CNTLN: variants seen among roughly 807,000 people sequenced by gnomAD.
CNTLN encodes the protein centlein, centrosomal protein.
In CNTLN, 212 loss-of-function variants were observed where a neutral mutation model predicts 180.0. That is an observed-to-expected ratio of 1.18 (90% CI 1.05 to 1.32). The LOEUF (loss-of-function observed/expected upper bound fraction) is 1.32. Among genes scored for constraint, CNTLN ranks in the 40% most tolerant of loss-of-function variants. The pLI is 0.00. For missense variants in CNTLN, 2,095 were observed against 1,610.9 expected, an observed-to-expected ratio of 1.30 and a Z score of -5.14; for synonymous variants, 722 against 563.1, an observed-to-expected ratio of 1.28 and a Z score of -3.99.
intron 2 of CNTLN, among the ~76,000 whole-genome samples, chr9:17,211,409 G>GTC (rs1563884889): frequency 1.3e-5 from 2 of 152,014 alleles, no homozygotes; most frequent in African/African-American, 4.8e-5. Context: ...CGTTCCATTG[G>GTC]TGATATCTCT....
chr9:17,417,902 T>C (rs1247247717), intron 18 of CNTLN, among the ~76,000 whole-genome samples: 1 of 151,960 alleles, frequency 6.6e-6, no homozygotes, highest in Non-Finnish European at 1.5e-5. Context: ...AAAGATAAAA[T>C]TAGGAGGTAT....
intron 2 of CNTLN, among the ~76,000 whole-genome samples, chr9:17,153,416 G>C (rs918086922): frequency 1.3e-5 from 2 of 152,130 alleles, no homozygotes; most frequent in African/African-American, 4.8e-5. Context: ...CGCTTATGAA[G>C]CTTATTTTGG....
At chr9:17,448,564 C>T (rs1419087610) in intron 18 of CNTLN, 4 of 152,330 alleles carry the variant, frequency 2.6e-5, no homozygotes. Flanking sequence ...CCTGCTGCCA[C>T]CTCATAGAGC....
At chr9:17,232,921 T>A (rs1371340767) in intron 3 of CNTLN, among the ~76,000 whole-genome samples, 1 of 152,032 alleles carries the variant, frequency 6.6e-6, no homozygotes, top group Non-Finnish European at 1.5e-5. Flanking sequence ...GGAGCCATTT[T>A]TATGCATCTA....
intron 2 of CNTLN, among the ~76,000 whole-genome samples, chr9:17,200,353 T>G (rs79216454): frequency 0.049 from 7,502 of 152,238 alleles, 177 homozygotes; most frequent in South Asian, 0.074. Flanking sequence ...TTTAGGGTAG[T>G]TTTTCCTAAT....
At chr9:17,182,186 A>G (rs1282122956) in intron 2 of CNTLN, among the ~76,000 whole-genome samples, 1 of 150,002 alleles carries the variant, frequency 6.7e-6, no homozygotes, top group African/African-American at 2.5e-5. Flanking sequence ...TTCCTTTGGT[A>G]CTTGTCAGGA....
chr9:17,268,815 C>T (rs1827710901), intron 5 of CNTLN, among the ~76,000 whole-genome samples: 2 of 151,804 alleles, frequency 1.3e-5, no homozygotes, highest in South Asian at 4.2e-4. Flanking sequence ...ATCAGCGAGA[C>T]TCTGTGGGCG....
intron 2 of CNTLN, among the ~76,000 whole-genome samples, chr9:17,182,302 A>G (rs1164000553): frequency 1.3e-5 from 2 of 151,774 alleles, no homozygotes; most frequent in African/African-American, 4.8e-5. Flanking sequence ...TTCTGTACTT[A>G]GTGGTGTTTC....
At chr9:17,235,884 T>C in intron 4 of CNTLN, 92 bp downstream of exon 4, 1 of 1,419,616 alleles carries the variant, frequency 7.0e-7, no homozygotes, top group Non-Finnish European at 9.5e-7. Flanking sequence ...AGTGACAGAT[T>C]TGGAGGAAAA....
intron 5 of CNTLN, among the ~76,000 whole-genome samples, chr9:17,265,830 G>C (rs770082697): frequency 6.6e-6 from 1 of 152,154 alleles, no homozygotes; most frequent in Non-Finnish European, 1.5e-5. Context: ...TTGCTTAGAG[G>C]TGTTTGTAGT....
Position 17,483,150 on chromosome 9 carries a change from G to A in CNTLN, c.3856-1145G>A, listed in dbSNP as rs117877396. On this transcript the variant is annotated intron_variant, in intron 23 of 25. Transcript: ENST00000380647. ...TAGGCAAATATAATTTCCCGAATAC[G>A]TGAAGAACTCCTATAAATCCCTAAG... Among the ~76,000 whole-genome samples the A allele has an allele frequency of 6.8e-4, 104 of 152,024 alleles. 2 individuals are homozygous for A. In the East Asian group the frequency reaches 0.018, roughly 27 times the overall value.
chr9:17,244,043 T>C (rs1825655419), intron 5 of CNTLN, among the ~76,000 whole-genome samples: 1 of 152,186 alleles, frequency 6.6e-6, no homozygotes, highest in South Asian at 2.1e-4. Flanking sequence ...AATTGACCTC[T>C]TTATCATTAT....
chr9:17,345,438 G>A (rs2133240402), intron 12 of CNTLN, among the ~76,000 whole-genome samples: 1 of 151,038 alleles, frequency 6.6e-6, no homozygotes, highest in East Asian at 1.9e-4. Flanking sequence ...TGTTTCCTCT[G>A]TTTCCCATTT....
At chr9:17,198,299 C>A (rs1822265891) in intron 2 of CNTLN, among the ~76,000 whole-genome samples, 1 of 150,914 alleles carries the variant, frequency 6.6e-6, no homozygotes, top group African/African-American at 2.4e-5. Context: ...ATAGGGATTG[C>A]ATTGAATCTG....
intron 2 of CNTLN, among the ~76,000 whole-genome samples, chr9:17,191,027 G>A (rs1341323704): frequency 6.6e-6 from 1 of 152,164 alleles, no homozygotes; most frequent in African/African-American, 2.4e-5. Context: ...TCAAGGCAAA[G>A]AGAAATACCT....
At chr9:17,363,369 T>G (rs1476212494) in intron 12 of CNTLN, among the ~76,000 whole-genome samples, 2 of 152,126 alleles carry the variant, frequency 1.3e-5, no homozygotes, top group African/African-American at 4.8e-5. Flanking sequence ...TTTCTCCACA[T>G]CCTCTCCAGC....
chr9:17,523,865 T>A, the CNTLN span, among the ~76,000 whole-genome samples: 1 of 152,212 alleles, frequency 6.6e-6, no homozygotes. Flanking sequence ...TAAGGAGCAC[T>A]CATCAGTTGA....
At chr9:17,264,507 G>T (rs1459629174) in intron 5 of CNTLN, among the ~76,000 whole-genome samples, 1 of 149,798 alleles carries the variant, frequency 6.7e-6, no homozygotes, top group Non-Finnish European at 1.5e-5. Context: ...TTTTGGCTTA[G>T]GATTGACTGG....
intron 2 of CNTLN, among the ~76,000 whole-genome samples, chr9:17,159,812 T>C (rs868734169): frequency 6.6e-6 from 1 of 152,196 alleles, no homozygotes; most frequent in African/African-American, 2.4e-5. Flanking sequence ...TACTGATTGA[T>C]AGATTTTCTT....
Sources: gnomAD v4.1 joint callset for allele counts (sites outside exome capture counted in the v4.1 genomes callset) on GRCh38, gnomAD v4.1.1 for gene constraint, MANE v1.5 for transcripts, NCBI Gene and HGNC (gene_info 2026-07-23, HGNC 2026-07-21) for gene names.